Variants in COQ7 observed in about 807,000 individuals in gnomAD.
COQ7 encodes coenzyme Q7, hydroxylase, also known as NADPH-dependent 3-demethoxyubiquinone 3-hydroxylase, mitochondrial.
Under a neutral mutation model 25.0 loss-of-function variants are expected in COQ7, and 21 were observed. That is an observed-to-expected ratio of 0.84 (90% CI 0.60 to 1.21). The LOEUF (loss-of-function observed/expected upper bound fraction) is 1.21. Among genes scored for constraint, COQ7 ranks in the 50% most tolerant of loss-of-function variants. The probability of loss-of-function intolerance (pLI) is 0.00; values close to 1 mark genes in which losing one functional copy is unlikely to be tolerated. For synonymous variants in COQ7, 125 were observed against 112.4 expected, an observed-to-expected ratio of 1.11 and a Z score of -0.71; for missense variants, 311 against 296.2, an observed-to-expected ratio of 1.05 and a Z score of -0.37.
downstream of COQ7, among the ~76,000 whole-genome samples, chr16:19,082,763 T>TC (rs1491314823): frequency 1.0e-5 from 1 of 96,104 alleles, no homozygotes; most frequent in African/African-American, 2.9e-5. Context: ...TGAGACTCTG[T>TC]CTAAAAAAAA....
chr16:19,067,983 AC>A (rs1962321030), intron 1 of COQ7: 12 of 1,404,924 alleles, frequency 8.5e-6, no homozygotes, highest in Non-Finnish European at 1.1e-5. Context: ...ACGCAATTGC[AC>A]CCCTGTGCAG....
intron 1 of COQ7, among the ~76,000 whole-genome samples, chr16:19,069,860 T>C (rs1156258304): frequency 2.0e-5 from 3 of 152,148 alleles, no homozygotes; most frequent in Non-Finnish European, 4.4e-5. Context: ...CTTAGCTCAC[T>C]GCAGCCTTTG....
At chr16:19,075,575 TC>T (rs1962790127) in intron 3 of COQ7, 145 bp from the exon 4 acceptor site, 1 of 792,070 alleles carries the variant, frequency 1.3e-6, no homozygotes, top group Non-Finnish European at 1.9e-6. Flanking sequence ...CAGTTAAATA[TC>T]CCACCATGCA....
intron 1 of COQ7, chr16:19,068,379 C>T (rs1962354584): frequency 1.0e-6 from 1 of 988,942 alleles, no homozygotes; most frequent in South Asian, 4.5e-5. Flanking sequence ...AGCCCGGGCG[C>T]GGTGGCTCCG....
intron 5 of COQ7, among the ~76,000 whole-genome samples, 177 bp downstream of exon 5, chr16:19,077,551 C>CTCCT (rs949637279): frequency 7.7e-5 from 11 of 142,854 alleles, no homozygotes; most frequent in Non-Finnish European, 1.7e-4. Flanking sequence ...GATTGGGAAT[C>CTCCT]TCCTTTCTTG....
chr16:19,077,590 C>CTTTTTTTTTTTTTTT (rs60523088), intron 5 of COQ7, among the ~76,000 whole-genome samples: 34,365 of 73,186 alleles, frequency 0.47, 13,233 homozygotes, highest in East Asian at 0.72. Context: ...TCCCCAGAAG[C>CTTTTTTTTTTTTTTT]TTTTTTTTTT....
chr16:19,074,147 T>C, intron 3 of COQ7, 112 bp downstream of exon 3: 2 of 692,746 alleles, frequency 2.9e-6, no homozygotes, highest in Non-Finnish European at 4.7e-6. Context: ...TCATTCTGTT[T>C]ACTTCATATT....
At chr16:19,077,772 T>C (rs533018567) in intron 5 of COQ7, among the ~76,000 whole-genome samples, 2 of 151,800 alleles carry the variant, frequency 1.3e-5, no homozygotes, top group South Asian at 4.2e-4. Context: ...TTTTTATTTT[T>C]AGTGGAGACC....
At chr16:19,072,213 T>A in intron 2 of COQ7, 107 bp downstream of exon 2, 1 of 1,372,820 alleles carries the variant, frequency 7.3e-7, no homozygotes, top group South Asian at 1.3e-5. Context: ...GAGATGCCAT[T>A]GTCTCCAGGA....
At chr16:19,073,488 G>T (rs1240744123) in intron 2 of COQ7, among the ~76,000 whole-genome samples, 1 of 152,134 alleles carries the variant, frequency 6.6e-6, no homozygotes, top group Non-Finnish European at 1.5e-5. Context: ...GTGAGACCCT[G>T]TCTGGAAACA....
Position 19,067,682 on chromosome 16 carries a change from G to A in COQ7, c.18G>A (p.Ala6=). The change falls in exon 1 of 6, where the codon GCG becomes GCA. Residue 6 remains alanine, a synonymous_variant. Coordinates refer to ENST00000321998, the MANE Select transcript of COQ7 (RefSeq NM_016138.5). The part of the protein sequence containing the change: MSCAG[A]AAAPRLWRLR... Reference sequence around the variant, plus strand: ...TTCCGGCAATGAGTTGCGCCGGGGCGGCGGCGGCTCCCCGCCTTTGGCGGC... The same window carrying A: ...TTCCGGCAATGAGTTGCGCCGGGGCAGCGGCGGCTCCCCGCCTTTGGCGGC... 4 of 1,611,296 alleles carry A rather than the reference G, an allele frequency of 2.5e-6. No homozygotes were observed. Among genetic ancestry groups the A allele is most frequent in the Non-Finnish European group, 3.4e-6 (4 of 1,178,802 alleles).
chr16:19,079,771 C>T lies in COQ7; in HGVS notation c.*1613C>T, dbSNP rs772649165. The T allele has an allele frequency of 6.6e-6, 1 of 152,192 alleles. No individual in the cohort carries two copies. The highest frequency in any genetic ancestry group is 2.4e-5 in the African/African-American group (1 of 41,448). The allele number at this position is 152,192 out of a possible 1,614,324, so 9.4% of individuals were successfully genotyped here. On this transcript the variant is annotated 3_prime_UTR_variant, in exon 6 of 6. Coordinates refer to ENST00000321998, the MANE Select transcript of COQ7 (RefSeq NM_016138.5). ...ACCTGATGACTTGGCAGGACTTGCC[C>T]CACCAGGGTCTGGCTTTGAAGGGTA...
At chr16:19,073,860 T>C in intron 2 of COQ7, 61 bp from the exon 3 acceptor site, 1 of 1,259,200 alleles carries the variant, frequency 7.9e-7, no homozygotes. Context: ...TGTATGCCGC[T>C]TGGATGAGTG....
intron 3 of COQ7, among the ~76,000 whole-genome samples, chr16:19,075,141 G>A (rs1962764073): frequency 1.3e-5 from 2 of 151,634 alleles, no homozygotes; most frequent in Admixed American, 6.6e-5. Context: ...TAAAACAGTG[G>A]TTCTCCCTCA....
intron 2 of COQ7, among the ~76,000 whole-genome samples, chr16:19,072,808 C>T (rs1962630716): frequency 6.6e-6 from 1 of 152,134 alleles, no homozygotes; most frequent in Non-Finnish European, 1.5e-5. Flanking sequence ...ATTTGATGGC[C>T]CCTGGCACTT....
At chr16:19,073,614 G>A (rs897546576) in intron 2 of COQ7, among the ~76,000 whole-genome samples, 1 of 152,240 alleles carries the variant, frequency 6.6e-6, no homozygotes, top group Admixed American at 6.5e-5. Flanking sequence ...CATTTCTTAT[G>A]TGTGTAGACC....
chr16:19,072,140 A>G, intron 2 of COQ7, 34 bp downstream of exon 2: 1 of 1,612,466 alleles, frequency 6.2e-7, no homozygotes, highest in Non-Finnish European at 8.5e-7. Flanking sequence ...ACCCTGGTCT[A>G]CTGAATGGGC....
rs1962962167 is a variant in COQ7 at position 19,078,189 on chromosome 16, A to T, written c.*31A>T. On this transcript the variant is annotated 3_prime_UTR_variant, in exon 6 of 6. Transcript: ENST00000321998. ...GTCCAGTTTTGCCTGTCTATAAAAGATGATAGTAATTTACCAAGTGACATT... is the reference window on the plus strand; with the variant it reads ...GTCCAGTTTTGCCTGTCTATAAAAGTTGATAGTAATTTACCAAGTGACATT... 1 of 1,550,526 alleles carries T rather than the reference A, an allele frequency of 6.4e-7. No homozygotes were observed. The highest frequency in any genetic ancestry group is 1.4e-5 in the African/African-American group (1 of 72,874).
chr16:19,068,302 G>GA, intron 1 of COQ7: 1 of 990,846 alleles, frequency 1.0e-6, no homozygotes, highest in African/African-American at 1.7e-5. Flanking sequence ...AGAGTAGAGA[G>GA]ACATGGTTTT....
Sources: allele counts gnomAD v4.1 joint callset (sites outside exome capture counted in the v4.1 genomes callset), GRCh38; gene constraint gnomAD v4.1.1; transcripts MANE v1.5; gene names NCBI Gene and HGNC (gene_info 2026-07-23, HGNC 2026-07-21).